TENM2: variants seen among roughly 807,000 people sequenced by gnomAD.
The protein encoded by TENM2 is teneurin transmembrane protein 2, also known as teneurin-2.
TENM2 carries 52 observed loss-of-function variants against 245.2 expected under a neutral mutation model. The observed-to-expected ratio is 0.21, with a 90% CI of 0.17 to 0.27. The LOEUF is 0.27. Among genes scored for constraint, TENM2 ranks in the 10% least tolerant of loss-of-function variants. The pLI is 1.00. For missense variants in TENM2, 3,046 were observed against 3,666.8 expected, an observed-to-expected ratio of 0.83 and a Z score of 4.37; for synonymous variants, 1,363 against 1,438.9, an observed-to-expected ratio of 0.95 and a Z score of 1.19.
chr5:167,427,810 A>G (rs13185427), intron 2 of TENM2, among the ~76,000 whole-genome samples: 5,414 of 41,024 alleles, frequency 0.13, 11 homozygotes, highest in African/African-American at 0.21. Flanking sequence ...GGAAGGACGG[A>G]AAGGAAGGGA....
chr5:167,566,723 T>A lies in TENM2; in HGVS notation c.502+191250T>A, dbSNP rs76797143. Among the ~76,000 whole-genome samples, 683 of 152,326 alleles carry A rather than the reference T, an allele frequency of 4.5e-3. 4 individuals carry two copies. Among genetic ancestry groups the A allele is most frequent in the African/African-American group, 0.015 (622 of 41,582 alleles). ...AAGAACCAAATAGTCCACCAAAGCC[T>A]GTATTCAACTCAATGGAGAGGAACG... On this transcript the variant is annotated intron_variant, in intron 2 of 28. Coordinates refer to ENST00000518659, the Ensembl canonical transcript of TENM2.
At chr5:167,487,385 T>A (rs1356089027) in intron 2 of TENM2, among the ~76,000 whole-genome samples, 1 of 152,168 alleles carries the variant, frequency 6.6e-6, no homozygotes, top group Non-Finnish European at 1.5e-5. Context: ...GTATGTGTTT[T>A]CTTGTGCATT....
Position 168,066,118 on chromosome 5 carries a change from C to G in TENM2, c.1515+3853C>G, listed in dbSNP as rs182276636. Among the ~76,000 whole-genome samples the G allele has an allele frequency of 1.8e-4, 28 of 152,308 alleles. No individual in the cohort carries two copies. The East Asian group carries it at 4.4e-3, about 24-fold the overall frequency. ...GTGCTGAGGTTAGAAAACTCTGCTT[C>G]GCATGTCCCTCTTAGGTTAACAAGA... On this transcript the variant is annotated intron_variant, in intron 7 of 28. Transcript: ENST00000518659.
intron 2 of TENM2, among the ~76,000 whole-genome samples, chr5:167,495,186 C>T (rs1768726288): frequency 6.6e-6 from 1 of 151,534 alleles, no homozygotes; most frequent in East Asian, 1.9e-4. Context: ...CATACTGTTT[C>T]CTTTTAAGAC....
At chr5:168,203,396 C>T (rs1762086580) in intron 17 of TENM2, among the ~76,000 whole-genome samples, 1 of 152,218 alleles carries the variant, frequency 6.6e-6, no homozygotes, top group Non-Finnish European at 1.5e-5. Context: ...TTCCTTTCCT[C>T]CCTCCATGTC....
chr5:167,868,108 A>G (rs1216143352), intron 2 of TENM2, among the ~76,000 whole-genome samples: 1 of 152,182 alleles, frequency 6.6e-6, no homozygotes, highest in East Asian at 1.9e-4. Context: ...GGATTTCTCA[A>G]CCTCAATACT....
chr5:167,185,777 G>T, the TENM2 span, among the ~76,000 whole-genome samples: 1 of 151,932 alleles, frequency 6.6e-6, no homozygotes, highest in Non-Finnish European at 1.5e-5. Flanking sequence ...AAGCCTCCAT[G>T]CTCCTTTCAC....
the TENM2 span, among the ~76,000 whole-genome samples, chr5:167,156,519 T>C: frequency 4.3e-4 from 65 of 152,326 alleles, no homozygotes; most frequent in Non-Finnish European, 5.9e-5. Context: ...TCTTTGTCAT[T>C]GCTCCTGAGG....
intron 2 of TENM2, among the ~76,000 whole-genome samples, chr5:167,645,521 T>C (rs1182334241): frequency 6.6e-6 from 1 of 151,996 alleles, no homozygotes; most frequent in African/African-American, 2.4e-5. Flanking sequence ...GAAACACTTG[T>C]GTGTTCCTTT....
rs1777857870 is a variant in TENM2 at position 167,617,346 on chromosome 5, A to C, written c.502+241873A>C. On this transcript the variant is annotated intron_variant, in intron 2 of 28. Coordinates refer to ENST00000518659, the Ensembl canonical transcript of TENM2. The stretch of plus-strand genomic sequence containing the variant: ...CACCAGTGACAATGTTCTGGGTTTG[A>C]TAACGTACTATAGTTACGTAAAATG... Among the ~76,000 whole-genome samples, 3 of 152,196 alleles carry C rather than the reference A, an allele frequency of 2.0e-5. 1 individual carries two copies. Among genetic ancestry groups the C allele is most frequent in the East Asian group, 3.9e-4 (2 of 5,188 alleles).
At chr5:167,987,096 A>G (rs1446149359) in intron 4 of TENM2, among the ~76,000 whole-genome samples, 1 of 152,210 alleles carries the variant, frequency 6.6e-6, no homozygotes, top group Non-Finnish European at 1.5e-5. Flanking sequence ...ATCTGTTTTT[A>G]TAGAGCTTGA....
chr5:167,757,285 CCTGTGTCCATATGTT>C (rs1487299974), intron 2 of TENM2, among the ~76,000 whole-genome samples: 1 of 151,528 alleles, frequency 6.6e-6, no homozygotes, highest in Non-Finnish European at 1.5e-5. Context: ...TGTTCCCCTC[CCTGTGTCCATATGTT>C]CTCATTGTTC....
chr5:167,340,469 C>G (rs994538479), intron 1 of TENM2, among the ~76,000 whole-genome samples: 5 of 152,208 alleles, frequency 3.3e-5, no homozygotes, highest in Admixed American at 6.5e-5. Flanking sequence ...CCATGACTTG[C>G]AAATGTCTAC....
At chr5:167,165,953 G>C in the TENM2 span, among the ~76,000 whole-genome samples, 2 of 152,116 alleles carry the variant, frequency 1.3e-5, no homozygotes, top group African/African-American at 4.8e-5. Context: ...GATTGCTTCT[G>C]TCATTTGCTT....
the TENM2 span, among the ~76,000 whole-genome samples, chr5:167,000,804 C>T: frequency 2.6e-5 from 4 of 152,206 alleles, no homozygotes; most frequent in East Asian, 1.9e-4. Flanking sequence ...TAGCTCTATT[C>T]GTAGAAAATT....
chr5:167,053,324 T>A, the TENM2 span, among the ~76,000 whole-genome samples: 1 of 152,330 alleles, frequency 6.6e-6, no homozygotes, highest in African/African-American at 2.4e-5. Context: ...TTAACTAAGT[T>A]CCTTGTCAGA....
the TENM2 span, among the ~76,000 whole-genome samples, chr5:167,264,522 C>T: frequency 1.3e-5 from 2 of 152,148 alleles, no homozygotes; most frequent in Non-Finnish European, 2.9e-5. Flanking sequence ...GCTGTTTTCC[C>T]ATGGAGATTG....
At chr5:167,428,581 A>T (rs1764021952) in intron 2 of TENM2, among the ~76,000 whole-genome samples, 1 of 152,206 alleles carries the variant, frequency 6.6e-6, no homozygotes. Context: ...TTGAAATTTC[A>T]CATGTGCCTT....
intron 12 of TENM2, among the ~76,000 whole-genome samples, chr5:168,134,160 A>C (rs188323594): frequency 6.6e-6 from 1 of 152,178 alleles, no homozygotes; most frequent in East Asian, 1.9e-4. Context: ...GTCTCAAAAA[A>C]AAACAAAACA....
Sources: allele counts gnomAD v4.1 joint callset (sites outside exome capture counted in the v4.1 genomes callset), GRCh38; gene constraint gnomAD v4.1.1; transcripts MANE v1.5; gene names NCBI Gene and HGNC (gene_info 2026-07-23, HGNC 2026-07-21).